EIF4E3: variants seen among roughly 807,000 people sequenced by gnomAD.
EIF4E3 encodes the protein eukaryotic translation initiation factor 4E family member 3.
Under a neutral mutation model 31.7 loss-of-function variants are expected in EIF4E3, and 26 were observed. That is an observed-to-expected ratio of 0.82 (90% confidence interval 0.60 to 1.14). The LOEUF is 1.14. Among genes scored for constraint, EIF4E3 ranks in the 50% most tolerant of loss-of-function variants. The pLI is 0.00. For synonymous variants in EIF4E3, 128 were observed against 107.7 expected, an observed-to-expected ratio of 1.19 and a Z score of -1.17; for missense variants, 304 against 270.9, an observed-to-expected ratio of 1.12 and a Z score of -0.86.
chr3:71,719,109 G>A (rs1326146396), intron 1 of EIF4E3, among the ~76,000 whole-genome samples: 1 of 152,178 alleles, frequency 6.6e-6, no homozygotes, highest in African/African-American at 2.4e-5. Flanking sequence ...TTGAAGTACT[G>A]CACCCTTTAG....
At chr3:71,664,044 G>A in the EIF4E3 span, among the ~76,000 whole-genome samples, 5 of 152,142 alleles carry the variant, frequency 3.3e-5, no homozygotes, top group African/African-American at 1.2e-4. Context: ...AGGGAGGAGC[G>A]GCAGGAGGGG....
At chr3:71,710,586 C>T (rs984732577) in intron 1 of EIF4E3, 102 bp from the exon 2 acceptor site, 2 of 1,182,410 alleles carry the variant, frequency 1.7e-6, no homozygotes, top group African/African-American at 3.1e-5. Context: ...AAAATCAGGT[C>T]TCAAACCACA....
intron 3 of EIF4E3, among the ~76,000 whole-genome samples, chr3:71,698,269 C>T (rs1309282660): frequency 6.6e-6 from 1 of 152,182 alleles, no homozygotes; most frequent in Non-Finnish European, 1.5e-5. Flanking sequence ...TTGAGATCCT[C>T]ATCCTCAAAG....
chr3:71,674,037 C>A (rs143995358), downstream of EIF4E3, among the ~76,000 whole-genome samples: 8 of 129,982 alleles, frequency 6.2e-5, no homozygotes, highest in Non-Finnish European at 9.4e-5. Context: ...CAATAGGAGA[C>A]TTATGCTTCA....
chr3:71,681,529 A>C lies in EIF4E3; in HGVS notation c.*3153T>G, dbSNP rs2048923392. On this transcript the variant is annotated 3_prime_UTR_variant, in exon 7 of 7. Transcript: ENST00000425534. ...TTACAAACAGGATGTCTGATTACGG[A>C]GTTACACCAGTGGCCAGATTGGATC... The C allele has an allele frequency of 6.6e-6, 1 of 152,294 alleles. No homozygotes were observed. Among genetic ancestry groups the C allele is most frequent in the South Asian group, 2.1e-4 (1 of 4,832 alleles). 9.4% of individuals were successfully genotyped at this position (152,294 alleles called of 1,614,324 possible). A position where few individuals can be genotyped will look rare whatever the true frequency, so the allele number is the denominator to read the frequency against.
rs2049085778 is a variant in EIF4E3, at chr3:71,693,065, T to C, written c.472+810A>G. ...ACATCTGAGGGACAACTGATCATTG[T>C]CATTAGCTAAAAAGAAAAACTTAAC... On this transcript the variant is annotated intron_variant, in intron 5 of 6. Coordinates refer to ENST00000425534, the MANE Select transcript of EIF4E3 (RefSeq NM_001134651.2). Among the ~76,000 whole-genome samples, 3 of 152,166 alleles carry C rather than the reference T, an allele frequency of 2.0e-5. No homozygotes were observed. The South Asian group carries it at 6.2e-4, about 32-fold the overall frequency.
chr3:71,715,188 G>T (rs1371694050), intron 1 of EIF4E3, among the ~76,000 whole-genome samples: 1 of 152,218 alleles, frequency 6.6e-6, no homozygotes, highest in Non-Finnish European at 1.5e-5. Flanking sequence ...ATCCTACAGT[G>T]CACGGGACAG....
At position 71,693,894 on chromosome 3, in the gene EIF4E3, G is replaced by A. The variant is rs1317671899; in HGVS notation, c.453C>T (p.Phe151=). The change falls in exon 5 of 7, where the codon TTC becomes TTT. Residue 151 remains phenylalanine (F), a synonymous_variant. Transcript: ENST00000425534. The part of the protein sequence containing the change: ...ELLLATIGEQ[F]TDCAAADDEV... ...CTTTACCTGCTGCGGCACAGTCTGT[G>A]AACTGTTCCCCGATGGTTGCTAACA... 1.3e-6 allele frequency: 2 copies of A among 1,582,860 alleles called. No homozygotes were observed. The highest frequency in any genetic ancestry group is 1.7e-6 in the Non-Finnish European group (2 of 1,164,372).
At chr3:71,725,516 CTT>C, upstream of EIF4E3, 13 of 328,942 alleles carry the variant, frequency 4.0e-5, no homozygotes, top group Non-Finnish European at 5.1e-5. The surrounding 1 kb of genome is among the most constrained non-coding windows in gnomAD (Gnocchi z 6.1). Context: ...CGCCCGCCGC[CTT>C]CAGGGCCTGG....
At chr3:71,729,354 C>A (rs2049677878), upstream of EIF4E3, among the ~76,000 whole-genome samples, 1 of 152,198 alleles carries the variant, frequency 6.6e-6, no homozygotes, top group South Asian at 2.1e-4. Flanking sequence ...GTGACATTCC[C>A]TCCATTGATG....
chr3:71,694,844 C>G (rs1559592602), intron 4 of EIF4E3, among the ~76,000 whole-genome samples: 1 of 152,104 alleles, frequency 6.6e-6, no homozygotes, highest in Non-Finnish European at 1.5e-5. Flanking sequence ...AATTAGTCAA[C>G]AAGTGTGCAC....
chr3:71,669,177 A>G, the EIF4E3 span, among the ~76,000 whole-genome samples: 27 of 149,328 alleles, frequency 1.8e-4, no homozygotes, highest in Middle Eastern at 0.01. Context: ...GTTCTCACTT[A>G]TAAGTGGGAG....
At chr3:71,662,008 A>T in the EIF4E3 span, among the ~76,000 whole-genome samples, 1 of 152,212 alleles carries the variant, frequency 6.6e-6, no homozygotes, top group Non-Finnish European at 1.5e-5. Context: ...GGATTAAGCA[A>T]GCGAATACAT....
In EIF4E3 at chr3:71,699,619, T is replaced by A; in HGVS notation, c.339A>T (p.Pro113=). ...ATTACACGTTAGACACTTACCAAAGTGGTCGCCTCTCTCCTCTCATTAAAT... is the reference window on the plus strand; with the variant it reads ...ATTACACGTTAGACACTTACCAAAGAGGTCGCCTCTCTCCTCTCATTAAAT... The part of the protein sequence containing the change: ...SYHLMRGERR[P]LWEEESNAKG... The change falls in exon 3 of 7, where the codon CCA becomes CCT. Residue 113 remains proline (P), a synonymous_variant. Transcript: ENST00000425534. 2 of 1,613,598 alleles carry A rather than the reference T, an allele frequency of 1.2e-6. No homozygotes were observed. Among genetic ancestry groups the A allele is most frequent in the Middle Eastern group, 1.6e-4 (1 of 6,062 alleles).
chr3:71,735,477 T>G (rs1467269492), intron 1 of EIF4E3, among the ~76,000 whole-genome samples: 1 of 152,214 alleles, frequency 6.6e-6, no homozygotes, highest in East Asian at 1.9e-4. Context: ...TACAGAATGA[T>G]CCAGGCCAGA....
At chr3:71,719,881 G>A (rs2049520298) in intron 1 of EIF4E3, among the ~76,000 whole-genome samples, 1 of 151,972 alleles carries the variant, frequency 6.6e-6, no homozygotes. Flanking sequence ...GGGTGTAGTA[G>A]CACATGCCTG....
chr3:71,748,456 G>C (rs754149424), intron 1 of EIF4E3, among the ~76,000 whole-genome samples: 1 of 152,124 alleles, frequency 6.6e-6, no homozygotes, highest in Admixed American at 6.6e-5. Context: ...AGAGTATATA[G>C]GGAGTCCCTG....
chr3:71,692,004 G>A (rs1310397083), intron 5 of EIF4E3, among the ~76,000 whole-genome samples: 1 of 152,156 alleles, frequency 6.6e-6, no homozygotes, highest in African/African-American at 2.4e-5. Flanking sequence ...TGGTCAAAGC[G>A]TAATGTAACT....
the EIF4E3 span, among the ~76,000 whole-genome samples, chr3:71,664,958 G>C: frequency 6.6e-6 from 1 of 152,118 alleles, no homozygotes; most frequent in Non-Finnish European, 1.5e-5. Flanking sequence ...AGAACTAAGA[G>C]GTTGTCTCCT....
Sources: gnomAD v4.1 joint callset for allele counts (sites outside exome capture counted in the v4.1 genomes callset) on GRCh38, gnomAD v4.1.1 for gene constraint, Gnocchi (gnomAD v3.1) non-coding constraint, MANE v1.5 for transcripts, NCBI Gene and HGNC (gene_info 2026-07-23, HGNC 2026-07-21) for gene names.